Variants in GALNT9 observed in about 807,000 individuals in gnomAD.
GALNT9 encodes the protein GalNAc transferase 9.
Under a neutral mutation model 63.1 loss-of-function variants are expected in GALNT9, and 47 were observed. The observed-to-expected ratio is 0.75, with a 90% CI of 0.59 to 0.95. The LOEUF is 0.95. GALNT9 is among the 40% of genes least tolerant of loss of function. The pLI is 0.00. For missense variants in GALNT9, 829 were observed against 874.8 expected (o/e 0.95, Z 0.66); for synonymous variants, 396 against 365.7 (o/e 1.08, Z -0.94).
Position 132,236,194 on chromosome 12 carries a change from C to A in GALNT9, c.1077+11716G>T, listed in dbSNP as rs2136894474. ...GTCAGACGGGCCTTTCAAATACAAG[C>A]AAATGCCAGCCTCCCTCCCCCAGGC... On this transcript the variant is annotated intron_variant, in intron 6 of 10. Coordinates refer to ENST00000328957, the MANE Select transcript of GALNT9 (RefSeq NM_001122636.2). This position sits in a 1 kb window ranked among gnomAD's most constrained non-coding sequence, Gnocchi z 5.6. Among the ~76,000 whole-genome samples, 4 of 152,244 alleles carry A rather than the reference C, an allele frequency of 2.6e-5. No homozygotes were observed. The highest frequency in any genetic ancestry group is 2.1e-4 in the South Asian group (1 of 4,822).
chr12:132,252,798 G>T lies in GALNT9; in HGVS notation c.960-4771C>A, dbSNP rs1292113894. ...CTAGGGAGGCTGAGGCAGGAGAATC[G>T]CTTGAACCTGGGAGGCGGAGGTTGT... On this transcript the variant is annotated intron_variant, in intron 5 of 10. Coordinates refer to ENST00000328957, the MANE Select transcript of GALNT9 (RefSeq NM_001122636.2). This position sits in a 1 kb window ranked among gnomAD's most constrained non-coding sequence, Gnocchi z 5.2. Among the ~76,000 whole-genome samples the T allele has an allele frequency of 6.6e-6, 1 of 151,904 alleles. No individual in the cohort carries two copies. The highest frequency in any genetic ancestry group is 1.5e-5 in the Non-Finnish European group (1 of 68,004).
At chr12:132,266,700 A>G (rs554370958) in intron 2 of GALNT9, among the ~76,000 whole-genome samples, 2 of 152,310 alleles carry the variant, frequency 1.3e-5, no homozygotes, top group Non-Finnish European at 2.9e-5. Flanking sequence ...GTTGGAAGCC[A>G]CCTGCTTGTG....
rs1555239254 is a variant in GALNT9 at position 132,257,787 on chromosome 12, A to C, written c.861T>G (p.Tyr287Ter). The stretch of plus-strand genomic sequence containing the variant: ...AGTTGTAGCCATGGGCGGCGTTCGC[A>C]TACTGCTGCACCTCAAACGTGCTGT... The part of the protein sequence containing the change: ...IKYSTFEVQQ[Y>*]ANAAHGYNWG... The change falls in exon 5 of 11, where the codon TAT becomes TAG. Residue 287 changes from tyrosine to a stop codon, truncating the protein, a stop_gained. Transcript: ENST00000328957. LOFTEE classifies it high-confidence loss of function. 1 of 1,550,428 alleles carries C rather than the reference A, an allele frequency of 6.4e-7. No individual in the cohort carries two copies. Among genetic ancestry groups the C allele is most frequent in the Non-Finnish European group, 8.7e-7 (1 of 1,146,838 alleles).
At chr12:132,203,387 AAC>A in intron 7 of GALNT9, 116 bp downstream of exon 7, 1 of 853,442 alleles carries the variant, frequency 1.2e-6, no homozygotes, top group Non-Finnish European at 1.8e-6. Context: ...CACACCTGTC[AAC>A]ACACCCACTC....
intron 2 of GALNT9, among the ~76,000 whole-genome samples, chr12:132,269,000 C>T (rs28594094): frequency 0.088 from 13,387 of 152,302 alleles, 1,513 homozygotes; most frequent in African/African-American, 0.26. Flanking sequence ...GTGTGGATAT[C>T]TGAGCCTGGA....
chr12:132,326,195 C>A (rs1358332984), intron 1 of GALNT9, among the ~76,000 whole-genome samples: 1 of 152,154 alleles, frequency 6.6e-6, no homozygotes. Flanking sequence ...CCTTCTTTTC[C>A]TTGAGTTTAG....
At chr12:132,228,516 G>A (rs1877785070) in intron 6 of GALNT9, among the ~76,000 whole-genome samples, 1 of 151,104 alleles carries the variant, frequency 6.6e-6, no homozygotes, top group African/African-American at 2.5e-5. Context: ...CCAGAGGAAG[G>A]GTGACACCTC....
At chr12:132,323,733 G>A (rs1868908189) in intron 1 of GALNT9, among the ~76,000 whole-genome samples, 1 of 152,276 alleles carries the variant, frequency 6.6e-6, no homozygotes, top group South Asian at 2.1e-4. Flanking sequence ...TCAGAGTGGG[G>A]GCTCTGGCCG....
chr12:132,199,069 A>C, intron 9 of GALNT9, 105 bp downstream of exon 9: 1 of 726,876 alleles, frequency 1.4e-6, no homozygotes, highest in East Asian at 2.7e-5. Context: ...GTGGCCTCAG[A>C]ACACCCCAGC....
chr12:132,285,899 G>C (rs1880565206), intron 2 of GALNT9, among the ~76,000 whole-genome samples: 1 of 151,850 alleles, frequency 6.6e-6, no homozygotes, highest in Non-Finnish European at 1.5e-5. Flanking sequence ...GACAGAGAGA[G>C]ACAGGAGAGA....
chr12:132,257,235 G>A (rs1259520223), intron 5 of GALNT9, among the ~76,000 whole-genome samples: 1 of 152,184 alleles, frequency 6.6e-6, no homozygotes, highest in African/African-American at 2.4e-5. Context: ...CATTTTGAAT[G>A]AAGAAAAATA....
rs1260203416 is a variant in GALNT9, at chr12:132,329,253, C to T, written c.-50G>A. On this transcript the variant is annotated 5_prime_UTR_variant, in exon 1 of 11. Transcript: ENST00000328957. The stretch of plus-strand genomic sequence containing the variant: ...ACCCGCGGGGCATCCCCAGCATCCC[C>T]GCCCGGGCCTGGGCTTCAGCTTCGG... The T allele has an allele frequency of 4.6e-6, 7 of 1,518,924 alleles. No individual in the cohort carries two copies. The South Asian group carries it at 5.0e-5, about 11-fold the overall frequency. The allele number at this position is 1,518,924 out of a possible 1,614,324, so 94.1% of individuals were successfully genotyped here. A position where few individuals can be genotyped will look rare whatever the true frequency, so the allele number is the denominator to read the frequency against.
intron 6 of GALNT9, 26 bp from the exon 7 acceptor site, chr12:132,203,716 G>A (rs755196287): frequency 1.7e-5 from 28 of 1,603,380 alleles, no homozygotes; most frequent in Admixed American, 5.1e-5. Context: ...GCTGGGTGCC[G>A]GCGTCCTTCC....
chr12:132,213,221 T>G (rs35187352), intron 6 of GALNT9, among the ~76,000 whole-genome samples: 1,381 of 11,970 alleles, frequency 0.12, 207 homozygotes, highest in East Asian at 0.28. Context: ...CCCCACCCGG[T>G]TCTGCAGCCC....
Position 132,269,764 on chromosome 12 carries a change from C to T in GALNT9, c.420-7139G>A, listed in dbSNP as rs559674531. The stretch of plus-strand genomic sequence containing the variant: ...GGGGCCGGATCCCGGTGGGGTGGCA[C>T]GTGGCGCCTGCTGGGACCCTGTCCT... On this transcript the variant is annotated intron_variant, in intron 2 of 10. Transcript: ENST00000328957. Among the ~76,000 whole-genome samples the T allele has an allele frequency of 7.7e-4, 117 of 152,338 alleles. No individual in the cohort carries two copies. The Middle Eastern group carries it at 0.01, about 13-fold the overall frequency.
intron 6 of GALNT9, among the ~76,000 whole-genome samples, chr12:132,215,932 C>T (rs1465021571): frequency 6.6e-6 from 1 of 152,124 alleles, no homozygotes; most frequent in Non-Finnish European, 1.5e-5. Flanking sequence ...CTGCGTCCCC[C>T]TCCCCAATCC....
At chr12:132,249,143 C>T (rs1878819383) in intron 5 of GALNT9, among the ~76,000 whole-genome samples, 1 of 152,240 alleles carries the variant, frequency 6.6e-6, no homozygotes, top group Admixed American at 6.5e-5. Context: ...GGAGGAACTT[C>T]TCATCTTTGC....
intron 1 of GALNT9, among the ~76,000 whole-genome samples, chr12:132,288,889 G>A (rs1405166905): frequency 7.5e-5 from 11 of 147,046 alleles, no homozygotes; most frequent in Admixed American, 6.8e-5. Context: ...GCGTGGTTTC[G>A]GACGGCTGCC....
intron 6 of GALNT9, chr12:132,240,826 C>T (rs1878262003): frequency 4.9e-6 from 2 of 408,560 alleles, no homozygotes; most frequent in Admixed American, 2.6e-5. Flanking sequence ...CCAAGGCCGT[C>T]CCTATACCCA....
Sources: allele counts gnomAD v4.1 joint callset (sites outside exome capture counted in the v4.1 genomes callset), GRCh38; gene constraint gnomAD v4.1.1; non-coding constraint Gnocchi (gnomAD v3.1); transcripts MANE v1.5; gene names NCBI Gene and HGNC (gene_info 2026-07-23, HGNC 2026-07-21).